The following SPARC variants were observed in gnomAD, a reference collection of about 807,000 sequenced individuals.
The protein encoded by SPARC is secreted protein acidic and cysteine rich.
SPARC carries 23 observed loss-of-function variants against 37.7 expected under a neutral mutation model. The observed-to-expected ratio is 0.61, with a 90% CI of 0.44 to 0.87. SPARC has a LOEUF of 0.87. Ranked by LOEUF, SPARC falls within the 40% of genes least tolerant of loss-of-function variation. The probability of loss-of-function intolerance (pLI) is 0.00; values close to 1 mark genes in which losing one functional copy is unlikely to be tolerated. For missense variants in SPARC, 312 were observed against 389.0 expected, an observed-to-expected ratio of 0.80 and a Z score of 1.66; for synonymous variants, 155 against 150.8, an observed-to-expected ratio of 1.03 and a Z score of -0.20.
chr5:151,682,526 A>C (rs977305735), intron 1 of SPARC, among the ~76,000 whole-genome samples: 1 of 152,182 alleles, frequency 6.6e-6, no homozygotes. Context: ...TGTGGCAGAC[A>C]TTACTAATCA....
chr5:151,684,410 A>C (rs907355086), intron 1 of SPARC, among the ~76,000 whole-genome samples: 2 of 144,520 alleles, frequency 1.4e-5, no homozygotes, highest in Non-Finnish European at 3.0e-5. Flanking sequence ...GGGAGTTAGA[A>C]CACACTTTTT....
intron 1 of SPARC, among the ~76,000 whole-genome samples, chr5:151,680,026 C>CT (rs1760948954): frequency 6.6e-6 from 1 of 152,116 alleles, no homozygotes; most frequent in Non-Finnish European, 1.5e-5. Context: ...ATGATAGCTA[C>CT]TGGTTACAAG....
chr5:151,669,626 C>T (rs1186740823), intron 6 of SPARC, 38 bp downstream of exon 6: 22 of 1,608,412 alleles, frequency 1.4e-5, no homozygotes, highest in Non-Finnish European at 1.8e-5. Flanking sequence ...GAGCTCTCTC[C>T]CCAAGACAGG....
chr5:151,668,575 G>T (rs992732828), intron 6 of SPARC, among the ~76,000 whole-genome samples: 3 of 152,166 alleles, frequency 2.0e-5, no homozygotes, highest in African/African-American at 7.2e-5. Context: ...GGGCTTAGGG[G>T]TCTGTTCTTC....
At chr5:151,677,811 A>G (rs577908841) in intron 1 of SPARC, among the ~76,000 whole-genome samples, 51 of 152,298 alleles carry the variant, frequency 3.3e-4, no homozygotes, top group Non-Finnish European at 6.0e-4. Context: ...CTCACCCCCT[A>G]TTGCACAGAG....
intron 5 of SPARC, among the ~76,000 whole-genome samples, chr5:151,670,588 G>A (rs551376017): frequency 1.3e-5 from 2 of 152,258 alleles, no homozygotes; most frequent in East Asian, 3.9e-4. Context: ...CTAAACCTTA[G>A]GTGTGAGTAC....
In SPARC at chr5:151,676,224, G is replaced by A. The variant is rs1158799658; in HGVS notation, c.-13-23C>T. Reference sequence around the variant, plus strand: ...ACCCTATGGGGAGGAGAGATTGAGAGTTCAGTGAGGGTGAGACTTCCTTAT... The same window carrying A: ...ACCCTATGGGGAGGAGAGATTGAGAATTCAGTGAGGGTGAGACTTCCTTAT... On this transcript the variant is annotated intron_variant, in intron 1 of 9. Transcript: ENST00000231061. 8 of 1,550,274 alleles carry A rather than the reference G, an allele frequency of 5.2e-6. No individual in the cohort carries two copies. The Admixed American group carries it at 7.0e-5, about 14-fold the overall frequency.
intron 1 of SPARC, among the ~76,000 whole-genome samples, chr5:151,678,734 A>C (rs928336782): frequency 8.5e-5 from 13 of 152,208 alleles, no homozygotes; most frequent in Admixed American, 7.9e-4. Flanking sequence ...ATGCAGAGAG[A>C]CTGTTAAGAA....
rs367699274 is a variant in SPARC, at chr5:151,678,940, G to A, written c.-13-2739C>T. 4.6e-5 allele frequency: 7 copies of A among 152,108 alleles called. No homozygotes were observed. In the East Asian group the frequency reaches 7.8e-4, roughly 17 times the overall value. 9.4% of individuals were successfully genotyped at this position (152,108 alleles called of 1,614,324 possible). On this transcript the variant is annotated intron_variant, in intron 1 of 9. Coordinates refer to ENST00000231061, the MANE Select transcript of SPARC (RefSeq NM_003118.4). Reference sequence around the variant, plus strand: ...CACAGCCATCTCCCTGCCTCCCCACGAGATACCTCTCTGAGGCTCTCTAAA... The same window carrying A: ...CACAGCCATCTCCCTGCCTCCCCACAAGATACCTCTCTGAGGCTCTCTAAA...
At chr5:151,673,020 C>G (rs867477345) in intron 4 of SPARC, 109 bp downstream of exon 4, 8 of 795,928 alleles carry the variant, frequency 1.0e-5, no homozygotes, top group South Asian at 9.8e-5. Context: ...CACTGAGGAC[C>G]CCACCCTGCA....
chr5:151,667,523 T>C lies in SPARC; in HGVS notation c.529A>G (p.Thr177Ala). The change falls in exon 7 of 10, where the codon ACC (threonine) becomes GCC (alanine). Residue 177 changes from threonine (T) to alanine (A), a missense_variant. Thr to Ala is a moderately conservative substitution (Grantham distance 58). Coordinates refer to ENST00000231061, the MANE Select transcript of SPARC (RefSeq NM_003118.4). ...TTGTCCTCATCCCTCTCATACAGGG[T>C]GACCAGGACGTTCTTGAGCCAGTCC... ...MRDWLKNVLVTLYERDEDNNL... is the reference protein window; with the variant it reads ...MRDWLKNVLVALYERDEDNNL... The C allele has an allele frequency of 6.2e-7, 1 of 1,614,150 alleles. No homozygotes were observed. Among genetic ancestry groups the C allele is most frequent in the Non-Finnish European group, 8.5e-7 (1 of 1,180,008 alleles).
At chr5:151,671,922 A>G in intron 4 of SPARC, 1 of 515,978 alleles carries the variant, frequency 1.9e-6, no homozygotes, top group Non-Finnish European at 3.4e-6. Context: ...GAGGTCAGGC[A>G]CTTCTGGGGG....
Position 151,682,363 on chromosome 5 carries a change from C to T in SPARC, c.-14+4502G>A, listed in dbSNP as rs543563361. 1.2e-4 allele frequency among the ~76,000 whole-genome samples: 18 copies of T among 152,272 alleles called. 1 individual carries two copies. The highest frequency in any genetic ancestry group is 7.7e-4 in the East Asian group (4 of 5,188). On this transcript the variant is annotated intron_variant, in intron 1 of 9. Coordinates refer to ENST00000231061, the MANE Select transcript of SPARC (RefSeq NM_003118.4). ...TCATCCTTGGCTCCCTCTAGGGCAC[C>T]GCTGCTGCATTGTGGTGACCACAAA...
chr5:151,666,290 G>C lies in SPARC; in HGVS notation c.734+71C>G, dbSNP rs1760617438. 8.6e-6 allele frequency: 13 copies of C among 1,514,614 alleles called. No individual in the cohort carries two copies. In the South Asian group the frequency reaches 1.6e-4, roughly 19 times the overall value. The allele number at this position is 1,514,614 out of a possible 1,614,324, so 93.8% of individuals were successfully genotyped here. Reference sequence around the variant, plus strand: ...GGCTTGGAGCAGTATAGGCTGCTGAGAGGCTTTCTGGCCATAGCTAGTGCA... The same window carrying C: ...GGCTTGGAGCAGTATAGGCTGCTGACAGGCTTTCTGGCCATAGCTAGTGCA... On this transcript the variant is annotated intron_variant, in intron 8 of 9. Transcript: ENST00000231061.
intron 8 of SPARC, among the ~76,000 whole-genome samples, chr5:151,666,012 A>G (rs1278391022): frequency 6.6e-6 from 1 of 152,194 alleles, no homozygotes; most frequent in African/African-American, 2.4e-5. Context: ...CTGCTGAAGG[A>G]CAGGGGGCGT....
At chr5:151,667,445 C>A in intron 7 of SPARC, 22 bp downstream of exon 7, 1 of 1,613,872 alleles carries the variant, frequency 6.2e-7, no homozygotes, top group East Asian at 2.2e-5. Flanking sequence ...ACGGGGCCAG[C>A]AAGGCCAGAG....
At chr5:151,676,869 C>T (rs1323052960) in intron 1 of SPARC, 1 of 152,184 alleles carries the variant, frequency 6.6e-6, no homozygotes, top group East Asian at 1.9e-4. Context: ...GATCCACATT[C>T]TAAAACAAAG....
intron 9 of SPARC, among the ~76,000 whole-genome samples, chr5:151,663,841 A>G (rs1461782529): frequency 6.6e-6 from 1 of 152,184 alleles, no homozygotes; most frequent in Non-Finnish European, 1.5e-5. Flanking sequence ...CAGTTCCCAA[A>G]ATAGTGTTTA....
chr5:151,679,423 T>C (rs1760934750), intron 1 of SPARC: 1 of 152,212 alleles, frequency 6.6e-6, no homozygotes, highest in Admixed American at 6.5e-5. Flanking sequence ...CTGCACACTA[T>C]TTCCCTTGGC....
Sources: allele counts gnomAD v4.1 joint callset (sites outside exome capture counted in the v4.1 genomes callset), GRCh38; gene constraint gnomAD v4.1.1; transcripts MANE v1.5; gene names NCBI Gene and HGNC (gene_info 2026-07-23, HGNC 2026-07-21).